The following DCC variants were observed in gnomAD, a reference collection of about 807,000 sequenced individuals.
DCC encodes netrin receptor DCC.
In DCC, 58 loss-of-function variants were observed where a neutral mutation model predicts 172.5. That is an observed-to-expected ratio of 0.34 (90% CI 0.27 to 0.42). The LOEUF is 0.42. DCC is among the 10% of genes least tolerant of loss of function. The pLI is 1.00. For missense variants in DCC, 1,740 were observed against 1,791.0 expected (o/e 0.97, Z 0.51); for synonymous variants, 709 against 644.5 (o/e 1.10, Z -1.52).
rs2043796323 is a variant in DCC at position 53,139,371 on chromosome 18, T to C, written c.1262-17985T>C. Among the ~76,000 whole-genome samples the C allele has an allele frequency of 2.0e-5, 3 of 152,284 alleles. 1 individual carries two copies. The South Asian group carries it at 6.2e-4, about 32-fold the overall frequency. On this transcript the variant is annotated intron_variant, in intron 7 of 28. Coordinates refer to ENST00000442544, the MANE Select transcript of DCC (RefSeq NM_005215.4). ...AAAGAGGAAATGGTAATTTATGTTG[T>C]GTTATTTGTCTTTAAAATGAGGAAA...
chr18:52,494,506 C>T (rs2030664937), intron 1 of DCC, among the ~76,000 whole-genome samples: 1 of 151,912 alleles, frequency 6.6e-6, no homozygotes, highest in South Asian at 2.1e-4. Flanking sequence ...CTTTTATGTA[C>T]TTTCCGATAT....
At chr18:52,524,924 A>G (rs1484096445) in intron 1 of DCC, among the ~76,000 whole-genome samples, 1 of 152,112 alleles carries the variant, frequency 6.6e-6, no homozygotes, top group Non-Finnish European at 1.5e-5. Context: ...AAGGAATACA[A>G]TTTTGAATAG....
intron 1 of DCC, among the ~76,000 whole-genome samples, chr18:52,483,597 G>T (rs991014332): frequency 6.6e-6 from 1 of 152,008 alleles, no homozygotes; most frequent in African/African-American, 2.4e-5. Flanking sequence ...ACTAGTCTAA[G>T]CAATTTTCAT....
intron 1 of DCC, among the ~76,000 whole-genome samples, chr18:52,749,184 T>C (rs1307991855): frequency 6.6e-6 from 1 of 151,070 alleles, no homozygotes; most frequent in South Asian, 2.1e-4. Context: ...AGAGCCAGAC[T>C]CCATCGCCCA....
chr18:52,391,965 G>T (rs544419112), intron 1 of DCC, among the ~76,000 whole-genome samples: 8 of 152,300 alleles, frequency 5.3e-5, no homozygotes, highest in Non-Finnish European at 1.2e-4. Context: ...CAGCTTTAAA[G>T]CTGCCAGTGT....
chr18:52,459,637 T>A (rs867714695), intron 1 of DCC, among the ~76,000 whole-genome samples: 1 of 151,860 alleles, frequency 6.6e-6, no homozygotes, highest in African/African-American at 2.4e-5. Context: ...CCGGCTAATT[T>A]TTTTGTATTT....
intron 25 of DCC, among the ~76,000 whole-genome samples, chr18:53,477,788 T>C (rs535652950): frequency 1.7e-4 from 26 of 152,312 alleles, no homozygotes; most frequent in African/African-American, 6.0e-4. Context: ...ATGCTACTCC[T>C]TATCCCCAAG....
At chr18:52,851,141 C>T (rs1279181583) in intron 2 of DCC, among the ~76,000 whole-genome samples, 1 of 152,012 alleles carries the variant, frequency 6.6e-6, no homozygotes, top group Non-Finnish European at 1.5e-5. Context: ...GAGGTGACCT[C>T]ACCAAAATAT....
intron 2 of DCC, among the ~76,000 whole-genome samples, chr18:52,805,409 A>G (rs911959108): frequency 1.3e-5 from 2 of 152,174 alleles, no homozygotes; most frequent in African/African-American, 4.8e-5. Context: ...AGAAGGTTAG[A>G]TGGTCTAGAT....
chr18:52,737,219 A>C (rs1021310583), intron 1 of DCC, among the ~76,000 whole-genome samples: 1 of 152,160 alleles, frequency 6.6e-6, no homozygotes, highest in Non-Finnish European at 1.5e-5. Flanking sequence ...TTAATGAAAA[A>C]CAGCTGGATA....
At chr18:52,741,415 G>A (rs1268522318) in intron 1 of DCC, among the ~76,000 whole-genome samples, 2 of 152,126 alleles carry the variant, frequency 1.3e-5, no homozygotes, top group Non-Finnish European at 2.9e-5. Flanking sequence ...CACTACTGAT[G>A]TTTTGGGATG....
chr18:52,847,302 C>T (rs1328731940), intron 2 of DCC, among the ~76,000 whole-genome samples: 1 of 152,080 alleles, frequency 6.6e-6, no homozygotes, highest in Non-Finnish European at 1.5e-5. Context: ...TAAGCACTGA[C>T]CCATTAGAAT....
At chr18:53,259,575 G>C (rs1416119929) in intron 12 of DCC, among the ~76,000 whole-genome samples, 2 of 152,182 alleles carry the variant, frequency 1.3e-5, no homozygotes, top group African/African-American at 2.4e-5. Context: ...TCTGCCAAGA[G>C]ATCTGCTGTT....
intron 12 of DCC, among the ~76,000 whole-genome samples, chr18:53,224,548 C>A (rs1199199203): frequency 6.6e-6 from 1 of 152,042 alleles, no homozygotes; most frequent in Non-Finnish European, 1.5e-5. Context: ...GTAGAGGAAG[C>A]AGGAAGACCA....
intron 1 of DCC, among the ~76,000 whole-genome samples, chr18:52,428,506 T>C (rs181252831): frequency 6.6e-6 from 1 of 152,282 alleles, no homozygotes; most frequent in Admixed American, 6.5e-5. Context: ...ATTTGTGTTT[T>C]AATATGTACC....
intron 2 of DCC, among the ~76,000 whole-genome samples, chr18:52,757,712 A>G (rs1396971740): frequency 1.3e-5 from 2 of 152,148 alleles, no homozygotes; most frequent in Non-Finnish European, 2.9e-5. Context: ...TTACATTTTA[A>G]CATTAAAACC....
chr18:52,392,297 C>A (rs899798632), intron 1 of DCC, among the ~76,000 whole-genome samples: 2 of 151,970 alleles, frequency 1.3e-5, no homozygotes, highest in Admixed American at 6.6e-5. Flanking sequence ...TCTATCTGTG[C>A]CGAAGGGTGG....
At chr18:52,909,458 C>T (rs531280024) in intron 3 of DCC, among the ~76,000 whole-genome samples, 119 of 152,038 alleles carry the variant, frequency 7.8e-4, no homozygotes, top group African/African-American at 2.7e-3. Context: ...GCAACTTTCC[C>T]CAACATTAAT....
intron 1 of DCC, among the ~76,000 whole-genome samples, chr18:52,408,706 G>A (rs114053243): frequency 2.6e-5 from 4 of 152,084 alleles, no homozygotes; most frequent in African/African-American, 9.6e-5. Context: ...ATATGGTACT[G>A]GAAAAAATAT....
Sources: gnomAD v4.1 joint callset for allele counts (sites outside exome capture counted in the v4.1 genomes callset) on GRCh38, gnomAD v4.1.1 for gene constraint, MANE v1.5 for transcripts, NCBI Gene and HGNC (gene_info 2026-07-23, HGNC 2026-07-21) for gene names.